Variants in C1QB observed in about 807,000 individuals in gnomAD.
The protein encoded by C1QB is complement C1q subcomponent subunit B.
A neutral mutation model predicts 4.6 loss-of-function variants in C1QB; 2 were observed. The observed-to-expected ratio is 0.43, with a 90% CI of 0.18 to 1.36. The LOEUF is 1.36. Ranked by LOEUF, C1QB falls within the 40% of genes most tolerant of loss-of-function variation. The pLI is 0.28. For missense variants in C1QB, 292 were observed against 338.0 expected (o/e 0.86, Z 1.07); for synonymous variants, 132 against 137.1 (o/e 0.96, Z 0.26).
At chr1:22,660,273 G>A (rs999241260) in intron 2 of C1QB, among the ~76,000 whole-genome samples, 11 of 152,190 alleles carry the variant, frequency 7.2e-5, no homozygotes, top group Admixed American at 6.5e-4. Context: ...AATGGCAGAT[G>A]TGACACGCAA....
In C1QB at chr1:22,660,846, C is replaced by G; in HGVS notation, c.216C>G (p.Phe72Leu). Reference sequence around the variant, plus strand: ...GGCTGGCTGGAGACCATGGTGAGTTCGGAGAGAAGGGAGACCCAGGGATTC... The same window carrying G: ...GGCTGGCTGGAGACCATGGTGAGTTGGGAGAGAAGGGAGACCCAGGGATTC... ...LPGLAGDHGE[F>L]GEKGDPGIPG... Residue 72 changes from phenylalanine to leucine, a missense_variant, in exon 3 of 3, where the codon TTC becomes TTG. By Grantham distance (22) the Phe-to-Leu change is conservative. Transcript: ENST00000509305. The G allele has an allele frequency of 1.2e-6, 2 of 1,613,826 alleles. No individual in the cohort carries two copies. Among genetic ancestry groups the G allele is most frequent in the Non-Finnish European group, 1.7e-6 (2 of 1,179,956 alleles).
intron 1 of C1QB, among the ~76,000 whole-genome samples, chr1:22,653,517 G>A (rs758026387): frequency 3.9e-5 from 6 of 152,306 alleles, no homozygotes; most frequent in Admixed American, 6.5e-5. Context: ...GGATGGGCAG[G>A]CCACCTAAAG....
In C1QB at chr1:22,660,990, C is replaced by A. The variant is rs746963250; in HGVS notation, c.360C>A (p.Ile120=). The change falls in exon 3 of 3, where the codon ATC becomes ATA. Residue 120 remains isoleucine (I), a synonymous_variant. Transcript: ENST00000509305. ...ESGDYKATQK[I]AFSATRTINV... Reference sequence around the variant, plus strand: ...GAGACTACAAGGCCACCCAGAAAATCGCCTTCTCTGCCACAAGAACCATCA... The same window carrying A: ...GAGACTACAAGGCCACCCAGAAAATAGCCTTCTCTGCCACAAGAACCATCA... 5 of 1,614,028 alleles carry A rather than the reference C, an allele frequency of 3.1e-6. No homozygotes were observed. The highest frequency in any genetic ancestry group is 4.2e-6 in the Non-Finnish European group (5 of 1,179,974).
chr1:22,659,617 G>A lies in C1QB; in HGVS notation c.155G>A (p.Gly52Glu). The A allele has an allele frequency of 6.2e-7, 1 of 1,613,542 alleles. No individual in the cohort carries two copies. Among genetic ancestry groups the A allele is most frequent in the African/African-American group, 1.3e-5 (1 of 74,982 alleles). Residue 52 changes from glycine (G) to glutamate (E), a missense_variant, in exon 2 of 3, where the codon GGG becomes GAG. By Grantham distance (98) the Gly-to-Glu change is moderately conservative. Transcript: ENST00000509305. ...PGTPGPDGQP[G>E]TPGIKGEKGL... is the part of the protein sequence containing the mutation. ...ACACCTGGCCCCGATGGCCAACCTG[G>A]GACCCCAGGGATAAAAGGAGAGAAA... is the stretch of plus-strand genomic sequence containing the variant.
In C1QB at chr1:22,659,503, T is replaced by C. The variant is rs1642588121; in HGVS notation, c.41T>C (p.Leu14Pro). 1 of 1,613,950 alleles carries C rather than the reference T, an allele frequency of 6.2e-7. No homozygotes were observed. Among genetic ancestry groups the C allele is most frequent in the Non-Finnish European group, 8.5e-7 (1 of 1,179,986 alleles). ...PWGSIPVLML[L>P]LLLGLIDISQ... ...GGCAGCATCCCAGTACTGATGTTGCTCCTGCTCCTGGGCCTAATCGATATC... is the reference window on the plus strand; with the variant it reads ...GGCAGCATCCCAGTACTGATGTTGCCCCTGCTCCTGGGCCTAATCGATATC... The change falls in exon 2 of 3, where the codon CTC (leucine) becomes CCC (proline). Residue 14 changes from leucine (L) to proline (P), a missense_variant. Coordinates refer to ENST00000509305, the MANE Select transcript of C1QB (RefSeq NM_001378156.1).
chr1:22,653,638 G>C (rs1414456590), intron 1 of C1QB, among the ~76,000 whole-genome samples: 2 of 152,134 alleles, frequency 1.3e-5, no homozygotes, highest in Admixed American at 6.5e-5. Flanking sequence ...TCTCAGCCCG[G>C]CCCCCCTACA....
chr1:22,659,513 G>A lies in C1QB; in HGVS notation c.51G>A (p.Leu17=), dbSNP rs1480028945. 1.9e-6 allele frequency: 3 copies of A among 1,614,042 alleles called. No individual in the cohort carries two copies. In the Admixed American group the frequency reaches 5.0e-5, roughly 27 times the overall value. The change falls in exon 2 of 3, where the codon CTG becomes CTA. Residue 17 remains leucine, a synonymous_variant. Coordinates refer to ENST00000509305, the MANE Select transcript of C1QB (RefSeq NM_001378156.1). ...SIPVLMLLLL[L]GLIDISQAQL... ...CAGTACTGATGTTGCTCCTGCTCCT[G>A]GGCCTAATCGATATCTCCCAGGCCC... is the stretch of plus-strand genomic sequence containing the variant.
At chr1:22,658,213 G>C (rs1019220295) in intron 1 of C1QB, among the ~76,000 whole-genome samples, 2 of 152,182 alleles carry the variant, frequency 1.3e-5, no homozygotes, top group African/African-American at 2.4e-5. Context: ...CTTGCTTCCT[G>C]TCACTTGAAC....
chr1:22,659,235 G>A (rs1642579921), intron 1 of C1QB, among the ~76,000 whole-genome samples: 1 of 150,122 alleles, frequency 6.7e-6, no homozygotes, highest in Admixed American at 6.6e-5. Flanking sequence ...TGGATGCAGG[G>A]ATGGAGGGAT....
At chr1:22,654,651 A>G (rs1483863803) in intron 1 of C1QB, among the ~76,000 whole-genome samples, 1 of 152,090 alleles carries the variant, frequency 6.6e-6, no homozygotes, top group African/African-American at 2.4e-5. Flanking sequence ...TCCCCACTTT[A>G]TAGGAGGGTA....
At chr1:22,656,771 C>T (rs57902779) in intron 1 of C1QB, among the ~76,000 whole-genome samples, 20 of 152,184 alleles carry the variant, frequency 1.3e-4, no homozygotes, top group Non-Finnish European at 2.5e-4. Context: ...ACTGCTCCCC[C>T]TCAGACACCA....
chr1:22,658,990 G>A (rs1342256034), intron 1 of C1QB, among the ~76,000 whole-genome samples: 1 of 149,634 alleles, frequency 6.7e-6, no homozygotes, highest in East Asian at 2.0e-4. Flanking sequence ...TGGACAGAGG[G>A]ATGCATGGGT....
Position 22,661,520 on chromosome 1 carries a change from T to G in C1QB, c.*134T>G. 8 of 1,024,136 alleles carry G rather than the reference T, an allele frequency of 7.8e-6. No individual in the cohort carries two copies. Among genetic ancestry groups the G allele is most frequent in the Non-Finnish European group, 1.2e-5 (8 of 676,214 alleles). 63.4% of individuals were successfully genotyped at this position (1,024,136 alleles called of 1,614,324 possible). On this transcript the variant is annotated 3_prime_UTR_variant, in exon 3 of 3. Coordinates refer to ENST00000509305, the MANE Select transcript of C1QB (RefSeq NM_001378156.1). ...CTGCTGAGTGAATGAGTAAATAAACTCTTCAAGGCCAAGGGACAGTGGTCT... is the reference window on the plus strand; with the variant it reads ...CTGCTGAGTGAATGAGTAAATAAACGCTTCAAGGCCAAGGGACAGTGGTCT...
chr1:22,660,224 C>T (rs1642600458), intron 2 of C1QB, among the ~76,000 whole-genome samples: 1 of 152,150 alleles, frequency 6.6e-6, no homozygotes, highest in Non-Finnish European at 1.5e-5. Context: ...AGGAGGCTGT[C>T]CTCAGGAAAT....
At chr1:22,659,713 GTTGCCTACCT>G in intron 2 of C1QB, 70 bp downstream of exon 2, 1 of 1,533,438 alleles carries the variant, frequency 6.5e-7, no homozygotes, top group South Asian at 1.2e-5. Context: ...CCAAGTCACA[GTTGCCTACCT>G]TTGAGACTGC....
chr1:22,660,798 C>T lies in C1QB; in HGVS notation c.182-14C>T, dbSNP rs1218378345. 2 of 1,613,662 alleles carry T rather than the reference C, an allele frequency of 1.2e-6. No homozygotes were observed. Among genetic ancestry groups the T allele is most frequent in the East Asian group, 2.2e-5 (1 of 44,840 alleles). Reference sequence around the variant, plus strand: ...GTCTCAGTGATCTCACTTCTTTGGTCTCTGCTTTTCCAGGGCTTCCAGGGC... The same window carrying T: ...GTCTCAGTGATCTCACTTCTTTGGTTTCTGCTTTTCCAGGGCTTCCAGGGC... On this transcript the variant is annotated splice_polypyrimidine_tract_variant and intron_variant, in intron 2 of 2. Coordinates refer to ENST00000509305, the MANE Select transcript of C1QB (RefSeq NM_001378156.1).
intron 1 of C1QB, among the ~76,000 whole-genome samples, chr1:22,656,891 G>C (rs1557610958): frequency 6.6e-6 from 1 of 152,058 alleles, no homozygotes; most frequent in Non-Finnish European, 1.5e-5. Context: ...CAGAAGTCGG[G>C]GAAACACGTT....
Position 22,659,630 on chromosome 1 carries a change from A to T in C1QB, c.168A>T (p.Ile56=), listed in dbSNP as rs775434206. ...ATGGCCAACCTGGGACCCCAGGGATAAAAGGAGAGAAAGGTACCATGGGAT... is the reference window on the plus strand; with the variant it reads ...ATGGCCAACCTGGGACCCCAGGGATTAAAGGAGAGAAAGGTACCATGGGAT... ...GPDGQPGTPG[I]KGEKGLPGLA... is the part of the protein sequence containing the mutation. Residue 56 remains isoleucine (I), a synonymous_variant, in exon 2 of 3, where the codon ATA becomes ATT. Transcript: ENST00000509305. 1 of 1,612,760 alleles carries T rather than the reference A, an allele frequency of 6.2e-7. No homozygotes were observed. The highest frequency in any genetic ancestry group is 8.5e-7 in the Non-Finnish European group (1 of 1,179,322).
chr1:22,659,292 AGATGGATG>A lies in C1QB; in HGVS notation c.-23-119_-23-112del, dbSNP rs56917855. The A allele has an allele frequency of 1.1e-3, 730 of 647,968 alleles. 1 individual carries two copies. The highest frequency in any genetic ancestry group is 0.011 in the African/African-American group (493 of 46,252). 40.1% of individuals were successfully genotyped at this position (647,968 alleles called of 1,614,324 possible). A position where few individuals can be genotyped will look rare whatever the true frequency, so the allele number is the denominator to read the frequency against. On this transcript the variant is annotated intron_variant, in intron 1 of 2. Transcript: ENST00000509305. ...GACGGATGCAGATGGAGGGATAGAG[AGATGGATG>A]GATGGATGGATGGATGGATGGATGG...
Sources: allele counts gnomAD v4.1 joint callset (sites outside exome capture counted in the v4.1 genomes callset), GRCh38; gene constraint gnomAD v4.1.1; transcripts MANE v1.5; gene names NCBI Gene and HGNC (gene_info 2026-07-23, HGNC 2026-07-21).